MAZ: variants seen among roughly 807,000 people sequenced by gnomAD.
MAZ encodes myc-associated zinc finger protein.
MAZ carries 4 observed loss-of-function variants against 32.7 expected under a neutral mutation model. That is an observed-to-expected ratio of 0.12 (90% CI 0.06 to 0.28). The LOEUF is 0.28. MAZ is among the 10% of genes least tolerant of loss of function. The pLI, the probability that MAZ is intolerant of heterozygous loss-of-function variation, is 1.00. For synonymous variants in MAZ, 510 were observed against 297.6 expected, an observed-to-expected ratio of 1.71 and a Z score of -7.35; for missense variants, 763 against 667.2, an observed-to-expected ratio of 1.14 and a Z score of -1.58.
chr16:29,808,373 C>G (rs923889792), intron 3 of MAZ, 80 bp downstream of exon 3: 1 of 1,386,712 alleles, frequency 7.2e-7, no homozygotes, highest in Non-Finnish European at 1.0e-6. Context: ...CTCTCAGACC[C>G]CCTTTTTCTC....
intron 3 of MAZ, 87 bp downstream of exon 3, chr16:29,808,380 T>C: frequency 1.5e-6 from 2 of 1,362,328 alleles, no homozygotes; most frequent in South Asian, 2.3e-5. Context: ...ACCCCCTTTT[T>C]CTCTCTCTTC....
intron 4 of MAZ, chr16:29,809,357 C>T (rs890354134): frequency 1.1e-4 from 64 of 593,740 alleles, no homozygotes; most frequent in Non-Finnish European, 1.7e-4. Context: ...AAGCCAGGCC[C>T]CAGGCTCAGG....
In MAZ at chr16:29,807,650, C is replaced by T. The variant is rs759721523; in HGVS notation, c.865C>T (p.Arg289Cys). 6.2e-7 allele frequency: 1 copy of T among 1,612,844 alleles called. No homozygotes were observed. Among genetic ancestry groups the T allele is most frequent in the Non-Finnish European group, 8.5e-7 (1 of 1,179,952 alleles). The change falls in exon 2 of 5, where the codon CGC becomes TGC. Residue 289 changes from arginine to cysteine, a missense_variant. Coordinates refer to ENST00000322945, the MANE Select transcript of MAZ (RefSeq NM_002383.4). The stretch of plus-strand genomic sequence containing the variant: ...CTGCGAGATGTGTGGCAAGGCCTTC[C>T]GCGACGTCTACCACCTGAACCGACA... ...HACEMCGKAFRDVYHLNRHKL... is the reference protein window; with the variant it reads ...HACEMCGKAFCDVYHLNRHKL...
chr16:29,809,370 G>A (rs1053092057), intron 4 of MAZ: 1 of 602,150 alleles, frequency 1.7e-6, no homozygotes. Flanking sequence ...GGCTCAGGGA[G>A]GGGCTGTGTC....
At chr16:29,808,315 G>C (rs750622755) in intron 3 of MAZ, 22 bp downstream of exon 3, 23 of 1,609,456 alleles carry the variant, frequency 1.4e-5, no homozygotes, top group South Asian at 9.9e-5. Flanking sequence ...GCCTCCTCCT[G>C]TCTTGGTTTT....
At position 29,810,798 on chromosome 16, in the gene MAZ, G is replaced by A. The variant is rs976478602; in HGVS notation, c.*567G>A. 15 of 351,544 alleles carry A rather than the reference G, an allele frequency of 4.3e-5. No individual in the cohort carries two copies. Among genetic ancestry groups the A allele is most frequent in the African/African-American group, 2.4e-4 (11 of 46,576 alleles). The allele number at this position is 351,544 out of a possible 1,614,324, so 21.8% of individuals were successfully genotyped here. On this transcript the variant is annotated 3_prime_UTR_variant, in exon 5 of 5. Coordinates refer to ENST00000322945, the MANE Select transcript of MAZ (RefSeq NM_002383.4). ...GTTGTACCTTCATAAGGTGGTATGG[G>A]GGGTTGGGGTCAGGCCCTGAACATC...
chr16:29,806,881 G>A lies in MAZ; in HGVS notation c.180G>A (p.Gln60=), dbSNP rs1296275784. 1 of 1,417,952 alleles carries A rather than the reference G, an allele frequency of 7.1e-7. No homozygotes were observed. The highest frequency in any genetic ancestry group is 9.3e-7 in the Non-Finnish European group (1 of 1,075,520). The allele number at this position is 1,417,952 out of a possible 1,614,324, so 87.8% of individuals were successfully genotyped here. ...TCTTTGCCTCCCAGGGCTGCGCCCAGAGTCCATTCCAGGTGAGTAGGGCCG... is the reference window on the plus strand; with the variant it reads ...TCTTTGCCTCCCAGGGCTGCGCCCAAAGTCCATTCCAGGTGAGTAGGGCCG... ...SRFFASQGCA[Q]SPFQAAPAPP... The change falls in exon 1 of 5, where the codon CAG becomes CAA. Residue 60 remains glutamine (Q), a synonymous_variant. Transcript: ENST00000322945.
At position 29,810,636 on chromosome 16, in the gene MAZ, C is replaced by A; in HGVS notation, c.*405C>A. 1.6e-6 allele frequency: 1 copy of A among 614,522 alleles called. No homozygotes were observed. The highest frequency in any genetic ancestry group is 2.9e-6 in the Non-Finnish European group (1 of 343,432). The allele number at this position is 614,522 out of a possible 1,614,324, so 38.1% of individuals were successfully genotyped here. ...TCTCCCCCTGCTGTCTGCAGCCCCTCCCCGGGGAGTTGGTGCTTTCTTTTC... is the reference window on the plus strand; with the variant it reads ...TCTCCCCCTGCTGTCTGCAGCCCCTACCCGGGGAGTTGGTGCTTTCTTTTC... On this transcript the variant is annotated 3_prime_UTR_variant, in exon 5 of 5. Transcript: ENST00000322945.
intron 4 of MAZ, 171 bp downstream of exon 4, chr16:29,808,912 C>CT (rs1175571717): frequency 1.9e-5 from 12 of 619,388 alleles, no homozygotes; most frequent in Admixed American, 1.5e-4. Context: ...TCATTAGACT[C>CT]TAAGAAGTCC....
At chr16:29,809,114 G>A (rs1596876836) in intron 4 of MAZ, 3 of 513,984 alleles carry the variant, frequency 5.8e-6, no homozygotes, top group Admixed American at 3.7e-5. Context: ...TACACGGGCC[G>A]GGCTTTACCA....
At position 29,806,872 on chromosome 16, in the gene MAZ, C is replaced by A; in HGVS notation, c.171C>A (p.Gly57=). 7.0e-7 allele frequency: 1 copy of A among 1,426,698 alleles called. No individual in the cohort carries two copies. The highest frequency in any genetic ancestry group is 9.3e-7 in the Non-Finnish European group (1 of 1,080,034). 88.4% of individuals were successfully genotyped at this position (1,426,698 alleles called of 1,614,324 possible). The part of the protein sequence containing the change: ...ELQSRFFASQ[G]CAQSPFQAAP... ...AGTCCCGCTTCTTTGCCTCCCAGGG[C>A]TGCGCCCAGAGTCCATTCCAGGTGA... The change falls in exon 1 of 5, where the codon GGC becomes GGA. Residue 57 remains glycine, a synonymous_variant. Transcript: ENST00000322945.
Position 29,810,194 on chromosome 16 carries a change from C to T in MAZ, c.1397C>T (p.Pro466Leu), listed in dbSNP as rs753614733. ...VGSLSGAEGV[P>L]VSSQPLPSQP... is the part of the protein sequence containing the mutation. Reference sequence around the variant, plus strand: ...TCCCTCTCGGGGGCGGAGGGGGTGCCTGTGAGCTCTCAGCCACTTCCCTCC... The same window carrying T: ...TCCCTCTCGGGGGCGGAGGGGGTGCTTGTGAGCTCTCAGCCACTTCCCTCC... The change falls in exon 5 of 5, where the codon CCT becomes CTT. Residue 466 changes from proline to leucine, a missense_variant. Pro to Leu is a moderately conservative substitution (Grantham distance 98). Coordinates refer to ENST00000322945, the MANE Select transcript of MAZ (RefSeq NM_002383.4). The T allele has an allele frequency of 2.5e-6, 4 of 1,604,690 alleles. No homozygotes were observed. Among genetic ancestry groups the T allele is most frequent in the Non-Finnish European group, 2.6e-6 (3 of 1,175,850 alleles).
In MAZ at chr16:29,810,117, G is replaced by GGCGGCA. The variant is rs760377330; in HGVS notation, c.1329_1334dup (p.Ala447_Ala448dup). On this transcript the variant is annotated inframe_insertion, in exon 5 of 5. Coordinates refer to ENST00000322945, the MANE Select transcript of MAZ (RefSeq NM_002383.4). ...GTCCAATGGCGGCGGCAGCGGCAGC[G>GGCGGCA]GCGGCAGCGGCAGCAGCGGCAGCAG... is the stretch of plus-strand genomic sequence containing the variant. 45 of 1,570,136 alleles carry GGCGGCA rather than the reference G, an allele frequency of 2.9e-5. No individual in the cohort carries two copies. The highest frequency in any genetic ancestry group is 8.4e-5 in the African/African-American group (6 of 71,492).
chr16:29,806,722 C>G lies in MAZ; in HGVS notation c.21C>G (p.Cys7Trp). 7.4e-7 allele frequency: 1 copy of G among 1,354,030 alleles called. No individual in the cohort carries two copies. Among genetic ancestry groups the G allele is most frequent in the South Asian group, 1.5e-5 (1 of 65,588 alleles). The allele number at this position is 1,354,030 out of a possible 1,614,324, so 83.9% of individuals were successfully genotyped here. A position where few individuals can be genotyped will look rare whatever the true frequency, so the allele number is the denominator to read the frequency against. Reference protein sequence around the residue: MFPVFPCTLLAPPFPVL... With the variant: MFPVFPWTLLAPPFPVL... Reference sequence around the variant, plus strand: ...AGGCCATGTTCCCGGTGTTTCCTTGCACGCTGCTGGCCCCCCCCTTCCCCG... The same window carrying G: ...AGGCCATGTTCCCGGTGTTTCCTTGGACGCTGCTGGCCCCCCCCTTCCCCG... Residue 7 changes from cysteine (C) to tryptophan (W), a missense_variant, in exon 1 of 5, where the codon TGC (cysteine) becomes TGG (tryptophan). Transcript: ENST00000322945.
chr16:29,809,715 C>T (rs1339500286), intron 4 of MAZ: 14 of 1,474,354 alleles, frequency 9.5e-6, no homozygotes, highest in South Asian at 2.7e-5. Flanking sequence ...TCCCGGGAGA[C>T]GCCCCCCAGC....
At chr16:29,808,117 A>T in intron 2 of MAZ, 113 bp from the exon 3 acceptor site, 1 of 1,078,440 alleles carries the variant, frequency 9.3e-7, no homozygotes, top group Non-Finnish European at 1.4e-6. Flanking sequence ...TGTCGCTGTG[A>T]CGGCCTGGGC....
chr16:29,808,874 G>T (rs1482447043), intron 4 of MAZ, 133 bp downstream of exon 4: 3 of 782,986 alleles, frequency 3.8e-6, no homozygotes, highest in Admixed American at 2.8e-5. Context: ...GAGGTCAAGG[G>T]AGCAGCGGGG....
rs770843738 is a variant in MAZ at position 29,807,320 on chromosome 16, G to C, written c.535G>C (p.Ala179Pro). 40 of 1,606,198 alleles carry C rather than the reference G, an allele frequency of 2.5e-5. No homozygotes were observed. The highest frequency in any genetic ancestry group is 3.2e-5 in the Non-Finnish European group (38 of 1,177,132). Reference sequence around the variant, plus strand: ...GGTCGCCGTGGCCCCGGTCGCGTCTGCCTTGGAGAAGAAGACAAAGAGCAA... The same window carrying C: ...GGTCGCCGTGGCCCCGGTCGCGTCTCCCTTGGAGAAGAAGACAAAGAGCAA... Reference protein sequence around the residue: ...STVAVAPVASALEKKTKSKGP... With the variant: ...STVAVAPVASPLEKKTKSKGP... Residue 179 changes from alanine (A) to proline (P), a missense_variant, in exon 2 of 5, where the codon GCC becomes CCC. Ala to Pro is a conservative substitution (Grantham distance 27). Transcript: ENST00000322945.
rs1899585905 is a variant in MAZ at position 29,807,499 on chromosome 16, G to A, written c.714G>A (p.Val238=). 5.0e-6 allele frequency: 8 copies of A among 1,611,462 alleles called. No homozygotes were observed. The highest frequency in any genetic ancestry group is 1.7e-5 in the Admixed American group (1 of 59,926). ...TGGTGCCCCTGAGCCTCCTGAGCGT[G>A]CCCCAGCTGAGCGGAGCCGGCGGGG... is the stretch of plus-strand genomic sequence containing the variant. ...PTMVPLSLLS[V]PQLSGAGGGG... is the part of the protein sequence containing the mutation. The change falls in exon 2 of 5, where the codon GTG becomes GTA. Residue 238 remains valine (V), a synonymous_variant. Transcript: ENST00000322945.
Sources: gnomAD v4.1 joint callset for allele counts on GRCh38, gnomAD v4.1.1 for gene constraint, MANE v1.5 for transcripts, NCBI Gene and HGNC (gene_info 2026-07-23, HGNC 2026-07-21) for gene names.